Variants in CSMD1 observed in about 807,000 individuals in gnomAD.
CSMD1 encodes CUB and Sushi multiple domains 1, also known as CUB and sushi domain-containing protein 1.
In CSMD1, 213 loss-of-function variants were observed where a neutral mutation model predicts 417.5. That is an observed-to-expected ratio of 0.51 (90% CI 0.46 to 0.57). The LOEUF (loss-of-function observed/expected upper bound fraction) is 0.57, where lower values mean the gene tolerates loss of function less well. CSMD1 is among the 20% of genes least tolerant of loss of function. CSMD1 has a pLI of 0.00. For missense variants in CSMD1, 6,923 were observed against 4,529.7 expected (o/e 1.53, Z -15.17); for synonymous variants, 2,862 against 1,736.8 (o/e 1.65, Z -16.11).
intron 1 of CSMD1, among the ~76,000 whole-genome samples, chr8:4,737,255 C>T (rs1298851175): frequency 5.9e-5 from 9 of 151,978 alleles, no homozygotes; most frequent in East Asian, 5.8e-4. Context: ...AAATAGTGCA[C>T]GTTCTCACTT....
intron 1 of CSMD1, among the ~76,000 whole-genome samples, chr8:4,835,525 G>A (rs1800426087): frequency 6.6e-6 from 1 of 152,114 alleles, no homozygotes; most frequent in African/African-American, 2.4e-5. Context: ...CAAATCCAGT[G>A]GACAGTCAGC....
intron 49 of CSMD1, among the ~76,000 whole-genome samples, chr8:3,060,303 G>A (rs886242923): frequency 2.0e-5 from 3 of 151,962 alleles, no homozygotes; most frequent in African/African-American, 7.3e-5. Context: ...GCACCACTGT[G>A]CCTAGCTAAT....
rs200456479 is a variant in CSMD1, at chr8:3,751,442, CAT to C, written c.931+2486_931+2487del. Among the ~76,000 whole-genome samples, 719 of 147,258 alleles carry C rather than the reference CAT, an allele frequency of 4.9e-3. 2 individuals carry two copies. Among genetic ancestry groups the C allele is most frequent in the Admixed American group, 8.4e-3 (123 of 14,702 alleles). On this transcript the variant is annotated intron_variant, in intron 6 of 69. Coordinates refer to ENST00000635120, the MANE Select transcript of CSMD1 (RefSeq NM_033225.6). ...TAAATATAACTACATACAGTTTATA[CAT>C]ATAAATGTTTATACTTAAATATATA... is the stretch of plus-strand genomic sequence containing the variant.
At chr8:4,482,441 C>T (rs1467462284) in intron 2 of CSMD1, among the ~76,000 whole-genome samples, 2 of 152,200 alleles carry the variant, frequency 1.3e-5, no homozygotes, top group Non-Finnish European at 2.9e-5. Context: ...GTTCTTATGG[C>T]TGCATAGTAC....
intron 3 of CSMD1, among the ~76,000 whole-genome samples, chr8:4,058,350 T>G (rs1286701635): frequency 6.6e-6 from 1 of 152,126 alleles, no homozygotes; most frequent in Admixed American, 6.6e-5. Flanking sequence ...GTTATTGGTA[T>G]ATAAGAATGC....
At chr8:4,115,752 C>G (rs1244362874) in intron 3 of CSMD1, among the ~76,000 whole-genome samples, 1 of 151,500 alleles carries the variant, frequency 6.6e-6, no homozygotes, top group Non-Finnish European at 1.5e-5. Context: ...ATATTCAGTG[C>G]TAAAAAGAAA....
chr8:3,570,031 G>C (rs1799880606), intron 10 of CSMD1, among the ~76,000 whole-genome samples: 2 of 152,170 alleles, frequency 1.3e-5, no homozygotes, highest in South Asian at 2.1e-4. Context: ...ACAAAGATGA[G>C]AGAGAAAAAA....
At chr8:4,069,273 G>C (rs575469142) in intron 3 of CSMD1, among the ~76,000 whole-genome samples, 1 of 152,156 alleles carries the variant, frequency 6.6e-6, no homozygotes, top group African/African-American at 2.4e-5. Context: ...TGAATTCTTT[G>C]TCTAGTAGGA....
chr8:3,236,544 G>A (rs1290739753), intron 26 of CSMD1, among the ~76,000 whole-genome samples: 1 of 152,130 alleles, frequency 6.6e-6, no homozygotes, highest in Non-Finnish European at 1.5e-5. Flanking sequence ...ATGCAAAGAT[G>A]TTTTCTGTTA....
intron 29 of CSMD1, among the ~76,000 whole-genome samples, chr8:3,218,591 G>T (rs1355744187): frequency 6.8e-6 from 1 of 147,486 alleles, no homozygotes; most frequent in Non-Finnish European, 1.5e-5. Context: ...ATTATTTTTG[G>T]CTGGGCACGG....
intron 3 of CSMD1, among the ~76,000 whole-genome samples, chr8:4,361,505 G>T (rs190611928): frequency 2.0e-5 from 3 of 152,064 alleles, no homozygotes; most frequent in East Asian, 3.9e-4. Flanking sequence ...ATTAGAAGAC[G>T]GAGGCCTGCA....
At chr8:4,659,395 C>T (rs11136760) in intron 1 of CSMD1, among the ~76,000 whole-genome samples, 13,767 of 152,000 alleles carry the variant, frequency 0.091, 1,070 homozygotes, top group East Asian at 0.22. Context: ...AAATGCAGAA[C>T]AGCAAAACAA....
chr8:4,807,073 TTTTA>T (rs1798631790), intron 1 of CSMD1, among the ~76,000 whole-genome samples: 1 of 152,134 alleles, frequency 6.6e-6, no homozygotes, highest in Non-Finnish European at 1.5e-5. Context: ...AATTAAATAT[TTTTA>T]TTCTTTTTAA....
At chr8:3,240,900 C>G (rs910246271) in intron 26 of CSMD1, among the ~76,000 whole-genome samples, 2 of 151,990 alleles carry the variant, frequency 1.3e-5, no homozygotes, top group African/African-American at 4.8e-5. Flanking sequence ...AGAGGTCATG[C>G]TGTAGCAGGC....
intron 50 of CSMD1, among the ~76,000 whole-genome samples, chr8:3,047,946 C>G (rs1466524607): frequency 1.3e-5 from 2 of 152,192 alleles, no homozygotes; most frequent in African/African-American, 4.8e-5. Context: ...TTCACAAACA[C>G]CTCAACTTGA....
rs1028663374 is a variant in CSMD1 at position 4,232,820 on chromosome 8, G to C, written c.415+187133C>G. ...ATGTCAGGTGCCTCGAAATCTAAAAGACAAACATTACTTTATTTATTTATT... is the reference window on the plus strand; with the variant it reads ...ATGTCAGGTGCCTCGAAATCTAAAACACAAACATTACTTTATTTATTTATT... On this transcript the variant is annotated intron_variant, in intron 3 of 69. Transcript: ENST00000635120. 2.0e-5 allele frequency among the ~76,000 whole-genome samples: 3 copies of C among 152,188 alleles called. No homozygotes were observed. In the South Asian group the frequency reaches 6.2e-4, roughly 32 times the overall value.
In CSMD1 at chr8:4,675,588, T is replaced by C. The variant is rs147941705; in HGVS notation, c.86-38030A>G. Among the ~76,000 whole-genome samples, 318 of 152,272 alleles carry C rather than the reference T, an allele frequency of 2.1e-3. 2 individuals are homozygous for C. The highest frequency in any genetic ancestry group is 7.3e-3 in the African/African-American group (304 of 41,548). The stretch of plus-strand genomic sequence containing the variant: ...ACAATAAAGGCCTAAGTTGAGGTGG[T>C]AGTAGCAGCAGTGATTACAATGAGG... On this transcript the variant is annotated intron_variant, in intron 1 of 69. Coordinates refer to ENST00000635120, the MANE Select transcript of CSMD1 (RefSeq NM_033225.6).
At chr8:3,574,425 T>C (rs554895128) in intron 10 of CSMD1, among the ~76,000 whole-genome samples, 2 of 152,180 alleles carry the variant, frequency 1.3e-5, no homozygotes, top group African/African-American at 2.4e-5. Flanking sequence ...TCGTATTTTT[T>C]AGTAGAGATG....
chr8:3,567,205 G>A (rs1452235857), intron 10 of CSMD1, among the ~76,000 whole-genome samples: 1 of 152,048 alleles, frequency 6.6e-6, no homozygotes, highest in African/African-American at 2.4e-5. Context: ...ACTTCTAGGT[G>A]GGCACCAAAT....
Sources: allele counts gnomAD v4.1 joint callset (sites outside exome capture counted in the v4.1 genomes callset), GRCh38; gene constraint gnomAD v4.1.1; transcripts MANE v1.5; gene names NCBI Gene and HGNC (gene_info 2026-07-23, HGNC 2026-07-21).